The following CCDC50 variants were observed in gnomAD, a reference collection of about 807,000 sequenced individuals.
CCDC50 encodes coiled-coil domain-containing protein 50.
Under a neutral mutation model 70.2 loss-of-function variants are expected in CCDC50, and 54 were observed. The ratio of observed to expected loss-of-function variants is 0.77; its 90% CI spans 0.62 to 0.96. The LOEUF is 0.96. Ranked by LOEUF, CCDC50 falls within the 50% of genes least tolerant of loss-of-function variation. The pLI, the probability that CCDC50 is intolerant of heterozygous loss-of-function variation, is 0.00. For synonymous variants in CCDC50, 216 were observed against 198.8 expected, an observed-to-expected ratio of 1.09 and a Z score of -0.73; for missense variants, 558 against 578.7, an observed-to-expected ratio of 0.96 and a Z score of 0.37.
intron 4 of CCDC50, among the ~76,000 whole-genome samples, chr3:191,364,770 GAAA>G (rs139590816): frequency 6.6e-6 from 1 of 151,290 alleles, no homozygotes; most frequent in African/African-American, 2.4e-5. Context: ...TGGAAAAGTT[GAAA>G]AAAAAATTTT....
chr3:191,357,565 G>A (rs1050131192), intron 2 of CCDC50, among the ~76,000 whole-genome samples: 3 of 152,294 alleles, frequency 2.0e-5, no homozygotes, highest in African/African-American at 7.2e-5. Flanking sequence ...TTTTTTCCAT[G>A]TGGTGATGAA....
intron 10 of CCDC50, among the ~76,000 whole-genome samples, chr3:191,383,779 TGG>T (rs1344406932): frequency 6.6e-6 from 1 of 152,178 alleles, no homozygotes; most frequent in African/African-American, 2.4e-5. Context: ...AGAAGAATAG[TGG>T]CATATTCTGT....
chr3:191,393,904 A>G lies in CCDC50; in HGVS notation c.*2144A>G, dbSNP rs190415120. The G allele has an allele frequency of 2.6e-5, 4 of 152,308 alleles. No individual in the cohort carries two copies. Among genetic ancestry groups the G allele is most frequent in the African/African-American group, 7.2e-5 (3 of 41,580 alleles). 9.4% of individuals were successfully genotyped at this position (152,308 alleles called of 1,614,324 possible). On this transcript the variant is annotated 3_prime_UTR_variant, in exon 12 of 12. Coordinates refer to ENST00000392455, the MANE Select transcript of CCDC50 (RefSeq NM_178335.3). ...AACAATGTATTTTTATTTGATAACT[A>G]GGCAAAATCATTTGCCATTTTTTAT...
At chr3:191,370,376 C>T in intron 5 of CCDC50, 1 of 296,256 alleles carries the variant, frequency 3.4e-6, no homozygotes, top group Non-Finnish European at 6.5e-6. Flanking sequence ...CCCCCCACCC[C>T]ACAACAGGCC....
intron 6 of CCDC50, among the ~76,000 whole-genome samples, chr3:191,377,125 A>G (rs916495348): frequency 6.6e-6 from 1 of 152,196 alleles, no homozygotes; most frequent in Non-Finnish European, 1.5e-5. Context: ...TAAAACGACT[A>G]CAACATGAGC....
intron 1 of CCDC50, among the ~76,000 whole-genome samples, chr3:191,331,489 C>T (rs771368435): frequency 7.9e-5 from 12 of 152,208 alleles, no homozygotes; most frequent in Non-Finnish European, 1.3e-4. Flanking sequence ...TTTCATTTTG[C>T]GTAATACGGT....
At chr3:191,378,457 C>T (rs1210372581) in intron 6 of CCDC50, among the ~76,000 whole-genome samples, 1 of 152,102 alleles carries the variant, frequency 6.6e-6, no homozygotes, top group African/African-American at 2.4e-5. Context: ...GCACATCCCA[C>T]TGTATTATTT....
intron 9 of CCDC50, among the ~76,000 whole-genome samples, chr3:191,382,185 A>G (rs561346476): frequency 6.6e-6 from 1 of 152,262 alleles, no homozygotes; most frequent in South Asian, 2.1e-4. Context: ...TCAGAAGGCA[A>G]TGGCCACATC....
intron 10 of CCDC50, among the ~76,000 whole-genome samples, chr3:191,387,367 C>T (rs7648303): frequency 0.18 from 27,098 of 152,028 alleles, 4,037 homozygotes; most frequent in African/African-American, 0.41. Flanking sequence ...CGGTAGGAAA[C>T]AGGCAGTCTT....
intron 1 of CCDC50, among the ~76,000 whole-genome samples, chr3:191,349,371 A>G (rs374209249): frequency 7.0e-6 from 1 of 142,452 alleles, no homozygotes; most frequent in Non-Finnish European, 1.6e-5. Flanking sequence ...TGTCATTAAT[A>G]TATCTTAGAC....
At chr3:191,379,052 A>C (rs946493165) in intron 6 of CCDC50, among the ~76,000 whole-genome samples, 15 of 152,152 alleles carry the variant, frequency 9.9e-5, no homozygotes, top group Non-Finnish European at 2.1e-4. Context: ...GATTAACAGC[A>C]AGTGAGTCAA....
chr3:191,357,354 A>G (rs555263068), intron 2 of CCDC50, among the ~76,000 whole-genome samples: 2 of 152,308 alleles, frequency 1.3e-5, no homozygotes, highest in South Asian at 4.2e-4. Flanking sequence ...GCCAGGAATT[A>G]GTAGACTGCT....
At chr3:191,332,094 C>T (rs1230390526) in intron 1 of CCDC50, among the ~76,000 whole-genome samples, 2 of 151,994 alleles carry the variant, frequency 1.3e-5, no homozygotes, top group African/African-American at 4.8e-5. Flanking sequence ...GAGTGTGTGC[C>T]CGTTTCCATT....
intron 1 of CCDC50, chr3:191,330,317 AC>A (rs1560151786): frequency 5.9e-5 from 9 of 153,698 alleles, no homozygotes; most frequent in South Asian, 4.1e-4. Context: ...ACACACACAC[AC>A]ACACACACAC....
At position 191,352,638 on chromosome 3, in the gene CCDC50, A is replaced by G. The variant is rs1321925779; in HGVS notation, c.50-4450A>G. ...TATCAATAGACTATATTAATAGACT[A>G]TAGTGTAAACATAACTTTTATATGT... is the stretch of plus-strand genomic sequence containing the variant. On this transcript the variant is annotated intron_variant, in intron 1 of 11. Coordinates refer to ENST00000392455, the MANE Select transcript of CCDC50 (RefSeq NM_178335.3). Among the ~76,000 whole-genome samples the G allele has an allele frequency of 2.8e-5, 4 of 142,644 alleles. 1 individual carries two copies. Among genetic ancestry groups the G allele is most frequent in the African/African-American group, 1.0e-4 (4 of 39,968 alleles). The allele number at this position is 142,644 out of a possible 152,430, so 93.6% of individuals were successfully genotyped here. A position where few individuals can be genotyped will look rare whatever the true frequency, so the allele number is the denominator to read the frequency against.
At chr3:191,357,537 G>T (rs1041326157) in intron 2 of CCDC50, among the ~76,000 whole-genome samples, 1 of 152,190 alleles carries the variant, frequency 6.6e-6, no homozygotes, top group Non-Finnish European at 1.5e-5. Context: ...AGATCACATT[G>T]TGAATTTTTC....
chr3:191,370,720 C>G (rs1224757854), intron 5 of CCDC50, among the ~76,000 whole-genome samples: 1 of 151,976 alleles, frequency 6.6e-6, no homozygotes, highest in African/African-American at 2.4e-5. Flanking sequence ...AACTCCTGAC[C>G]TCAAGTAATC....
At chr3:191,342,755 T>C (rs1039752804) in intron 1 of CCDC50, among the ~76,000 whole-genome samples, 1 of 152,232 alleles carries the variant, frequency 6.6e-6, no homozygotes, top group Admixed American at 6.5e-5. Flanking sequence ...GGAGTTTCTT[T>C]AGGGATACAT....
At chr3:191,384,564 T>G (rs888218959) in intron 10 of CCDC50, among the ~76,000 whole-genome samples, 1 of 152,210 alleles carries the variant, frequency 6.6e-6, no homozygotes, top group East Asian at 1.9e-4. Flanking sequence ...CAAATTCTTA[T>G]GTAGAGCTTG....
Sources: gnomAD v4.1 joint callset for allele counts (sites outside exome capture counted in the v4.1 genomes callset) on GRCh38, gnomAD v4.1.1 for gene constraint, MANE v1.5 for transcripts, NCBI Gene and HGNC (gene_info 2026-07-23, HGNC 2026-07-21) for gene names.